MAML2: variants seen among roughly 807,000 people sequenced by gnomAD.
MAML2 encodes mastermind like transcriptional coactivator 2.
A neutral mutation model predicts 96.1 loss-of-function variants in MAML2; 22 were observed. The ratio of observed to expected loss-of-function variants is 0.23; its 90% confidence interval spans 0.16 to 0.33. The LOEUF is 0.33. Ranked by LOEUF, MAML2 falls within the 10% of genes least tolerant of loss-of-function variation. The probability of loss-of-function intolerance (pLI) is 1.00; values close to 1 mark genes in which losing one functional copy is unlikely to be tolerated. For synonymous variants in MAML2, 561 were observed against 521.3 expected (o/e 1.08, Z -1.04); for missense variants, 1,367 against 1,392.4 (o/e 0.98, Z 0.29).
intron 2 of MAML2, among the ~76,000 whole-genome samples, chr11:95,999,830 C>A (rs1385930075): frequency 6.6e-6 from 1 of 152,130 alleles, no homozygotes; most frequent in Non-Finnish European, 1.5e-5. Context: ...CCCAGCTGGG[C>A]AAGTCTGTAC....
intron 1 of MAML2, among the ~76,000 whole-genome samples, chr11:96,177,916 TTGTGTGTGTGTGTG>T (rs58447778): frequency 0.24 from 33,574 of 139,870 alleles, 4,195 homozygotes; most frequent in East Asian, 0.5. Flanking sequence ...GAGACCTTAG[TTGTGTGTGTGTGTG>T]TGTGTGTGTG....
intron 1 of MAML2, among the ~76,000 whole-genome samples, chr11:96,205,785 G>T (rs955201365): frequency 3.3e-5 from 5 of 152,146 alleles, no homozygotes; most frequent in African/African-American, 7.2e-5. Context: ...TCCTCTCAAA[G>T]GTCAAAGATG....
chr11:96,047,740 C>G (rs749896418), intron 2 of MAML2, among the ~76,000 whole-genome samples: 1 of 151,618 alleles, frequency 6.6e-6, no homozygotes, highest in Non-Finnish European at 1.5e-5. Flanking sequence ...GAAACCCTGT[C>G]TCTACTAAAA....
intron 1 of MAML2, among the ~76,000 whole-genome samples, chr11:96,209,736 T>A (rs980529044): frequency 6.6e-6 from 1 of 152,232 alleles, no homozygotes; most frequent in African/African-American, 2.4e-5. Context: ...TTAATTGTAA[T>A]TATTTTGAGT....
intron 2 of MAML2, among the ~76,000 whole-genome samples, chr11:96,068,791 T>C (rs1186346617): frequency 7.4e-5 from 11 of 149,600 alleles, no homozygotes; most frequent in African/African-American, 1.7e-4. Context: ...GATGGCGCCA[T>C]TGCACTCCAG....
intron 2 of MAML2, among the ~76,000 whole-genome samples, chr11:96,070,024 AAAAT>A (rs550416059): frequency 1.9e-4 from 28 of 151,306 alleles, no homozygotes; most frequent in African/African-American, 2.0e-4. Context: ...CTCTGTCTCA[AAAAT>A]AAATAAATAA....
rs1049722933 is a variant in MAML2 at position 95,977,123 on chromosome 11, G to T, written c.*1825C>A. ...CAACCACCTATGGTTTAAGTGTAGA[G>T]CTAAAAATAAACCATCATATTATAC... On this transcript the variant is annotated 3_prime_UTR_variant, in exon 5 of 5. Coordinates refer to ENST00000524717, the MANE Select transcript of MAML2 (RefSeq NM_032427.4). The T allele has an allele frequency of 1.0e-5, 2 of 194,604 alleles. No homozygotes were observed. Among genetic ancestry groups the T allele is most frequent in the African/African-American group, 2.3e-5 (1 of 42,944 alleles). The allele number at this position is 194,604 out of a possible 1,614,324, so 12.1% of individuals were successfully genotyped here. A position where few individuals can be genotyped will look rare whatever the true frequency, so the allele number is the denominator to read the frequency against.
intron 1 of MAML2, among the ~76,000 whole-genome samples, chr11:96,128,940 A>G (rs970052883): frequency 6.6e-5 from 10 of 152,254 alleles, no homozygotes; most frequent in Non-Finnish European, 1.3e-4. Flanking sequence ...GAGTCTCAGT[A>G]TGGCTCAGGC....
chr11:96,099,780 T>A (rs1462602993), intron 1 of MAML2, among the ~76,000 whole-genome samples: 2 of 152,096 alleles, frequency 1.3e-5, no homozygotes, highest in Non-Finnish European at 2.9e-5. Flanking sequence ...TTATTTACCT[T>A]TTGTTTTTAC....
At chr11:96,318,675 T>G (rs1591130087) in intron 1 of MAML2, among the ~76,000 whole-genome samples, 1 of 152,216 alleles carries the variant, frequency 6.6e-6, no homozygotes, top group South Asian at 2.1e-4. Context: ...AAAAGCAGAA[T>G]GTAAAACAGA....
intron 2 of MAML2, among the ~76,000 whole-genome samples, chr11:96,011,551 A>G (rs1858266994): frequency 6.6e-6 from 1 of 152,132 alleles, no homozygotes; most frequent in African/African-American, 2.4e-5. Flanking sequence ...GGAACAACAG[A>G]CACTGGGGAC....
At chr11:96,259,841 G>A (rs1314819107) in intron 1 of MAML2, among the ~76,000 whole-genome samples, 3 of 151,968 alleles carry the variant, frequency 2.0e-5, no homozygotes, top group Admixed American at 6.6e-5. Context: ...GAATGACAGG[G>A]CCTGATTCTA....
chr11:96,042,506 C>A (rs530020485), intron 2 of MAML2, among the ~76,000 whole-genome samples: 1 of 150,602 alleles, frequency 6.6e-6, no homozygotes, highest in African/African-American at 2.5e-5. Context: ...CAAACCCATA[C>A]GTAACCATGT....
intron 1 of MAML2, among the ~76,000 whole-genome samples, chr11:96,141,457 T>C (rs1170586698): frequency 6.6e-6 from 1 of 152,098 alleles, no homozygotes; most frequent in Admixed American, 6.5e-5. Context: ...AGAGCCCCAG[T>C]TGTGCTTACC....
intron 1 of MAML2, among the ~76,000 whole-genome samples, chr11:96,160,778 C>T (rs778760095): frequency 2.6e-5 from 4 of 152,082 alleles, no homozygotes; most frequent in Admixed American, 6.6e-5. Flanking sequence ...TTTAAAGATT[C>T]GTTTTGAGGA....
intron 1 of MAML2, among the ~76,000 whole-genome samples, chr11:96,153,846 G>A (rs111941856): frequency 2.0e-5 from 3 of 152,240 alleles, no homozygotes; most frequent in Non-Finnish European, 2.9e-5. Flanking sequence ...GGGAGGCAGA[G>A]GTTGTAGTGA....
At chr11:96,159,431 G>A (rs1222009798) in intron 1 of MAML2, among the ~76,000 whole-genome samples, 57 of 4,166 alleles carry the variant, frequency 0.014, no homozygotes, top group Non-Finnish European at 0.027. Flanking sequence ...TTTTTTTTTT[G>A]AGACGGAGTC....
chr11:96,082,336 T>G (rs1018969704), intron 2 of MAML2, among the ~76,000 whole-genome samples: 2 of 152,174 alleles, frequency 1.3e-5, no homozygotes, highest in African/African-American at 4.8e-5. Flanking sequence ...TGGTAAGAAC[T>G]ATACTGAAAG....
intron 1 of MAML2, among the ~76,000 whole-genome samples, chr11:96,183,971 G>C (rs1861532619): frequency 6.6e-6 from 1 of 152,112 alleles, no homozygotes. Flanking sequence ...GTTTGTTTTG[G>C]ACCAACTATG....
Sources: allele counts gnomAD v4.1 joint callset (sites outside exome capture counted in the v4.1 genomes callset), GRCh38; gene constraint gnomAD v4.1.1; transcripts MANE v1.5; gene names NCBI Gene and HGNC (gene_info 2026-07-23, HGNC 2026-07-21).